Variants in VSTM2B observed in about 807,000 individuals in gnomAD.
VSTM2B encodes the protein V-set and transmembrane domain-containing protein 2B.
A neutral mutation model predicts 24.0 loss-of-function variants in VSTM2B; 24 were observed. That is an observed-to-expected ratio of 1.00 (90% confidence interval 0.72 to 1.40). The LOEUF (loss-of-function observed/expected upper bound fraction) is 1.40, where lower values mean the gene tolerates loss of function less well. VSTM2B is among the 40% of genes most tolerant of loss of function. VSTM2B has a pLI of 0.00. For synonymous variants in VSTM2B, 226 were observed against 194.4 expected, an observed-to-expected ratio of 1.16 and a Z score of -1.35; for missense variants, 399 against 416.4, an observed-to-expected ratio of 0.96 and a Z score of 0.36.
chr19:29,559,012 T>A (rs1970473377), intron 4 of VSTM2B, among the ~76,000 whole-genome samples: 1 of 152,200 alleles, frequency 6.6e-6, no homozygotes, highest in Non-Finnish European at 1.5e-5. Context: ...ACACTGTTGG[T>A]GGGAGTGTAA....
At chr19:29,555,045 T>C (rs182507384) in intron 4 of VSTM2B, among the ~76,000 whole-genome samples, 1 of 152,262 alleles carries the variant, frequency 6.6e-6, no homozygotes, top group Non-Finnish European at 1.5e-5. Flanking sequence ...TGAACTCAGC[T>C]CTGGATTAAG....
intron 4 of VSTM2B, among the ~76,000 whole-genome samples, chr19:29,547,086 C>T (rs1227055024): frequency 2.0e-5 from 3 of 152,180 alleles, no homozygotes; most frequent in Non-Finnish European, 4.4e-5. Flanking sequence ...TCAGTGTGGC[C>T]TTGGTTGGGC....
chr19:29,551,120 G>A (rs1970274861), intron 4 of VSTM2B, among the ~76,000 whole-genome samples: 1 of 152,200 alleles, frequency 6.6e-6, no homozygotes, highest in Non-Finnish European at 1.5e-5. Context: ...GCCCCCTACT[G>A]TGATCCCAAT....
At chr19:29,543,008 C>T (rs945873689) in intron 4 of VSTM2B, among the ~76,000 whole-genome samples, 3 of 152,104 alleles carry the variant, frequency 2.0e-5, no homozygotes, top group East Asian at 1.9e-4. Flanking sequence ...AGCCTGCTTC[C>T]GACTCCCCTA....
intron 4 of VSTM2B, among the ~76,000 whole-genome samples, chr19:29,535,989 GCT>G (rs1969879749): frequency 6.6e-6 from 1 of 152,242 alleles, no homozygotes; most frequent in Non-Finnish European, 1.5e-5. Context: ...AGAGGGCGAG[GCT>G]CTCTGAGCAT....
intron 4 of VSTM2B, among the ~76,000 whole-genome samples, chr19:29,554,433 A>C (rs913297223): frequency 2.0e-5 from 3 of 152,226 alleles, no homozygotes; most frequent in Admixed American, 1.3e-4. Context: ...TAAATATGGA[A>C]AGGAAAAACT....
At chr19:29,560,003 C>T (rs1599910944) in intron 4 of VSTM2B, among the ~76,000 whole-genome samples, 1 of 152,180 alleles carries the variant, frequency 6.6e-6, no homozygotes, top group African/African-American at 2.4e-5. Context: ...TCAATTGAGG[C>T]CATGTTGGTC....
rs1267090508 is a variant in VSTM2B, at chr19:29,526,137, G to C, written c.-447G>C. Among the ~76,000 whole-genome samples, 5 of 152,100 alleles carry C rather than the reference G, an allele frequency of 3.3e-5. No individual in the cohort carries two copies. The highest frequency in any genetic ancestry group is 1.2e-4 in the African/African-American group (5 of 41,422). On this transcript the variant is annotated 5_prime_UTR_variant, in exon 1 of 5. Transcript: ENST00000335523. This position sits in a 1 kb window ranked among gnomAD's most constrained non-coding sequence, Gnocchi z 4.1. ...GAGGAACCGGCGGGGGCGGCTGCGG[G>C]AGCCGAAGGAGGTGGCAATCGGGAG...
At position 29,526,852 on chromosome 19, in the gene VSTM2B, C is replaced by G. The variant is rs77232410; in HGVS notation, c.82+187C>G. 109,131 of 536,104 alleles carry G rather than the reference C, an allele frequency of 0.2. 12,815 individuals are homozygous for G. Among genetic ancestry groups the G allele is most frequent in the East Asian group, 0.39 (11,300 of 28,996 alleles). The allele number at this position is 536,104 out of a possible 1,614,324, so 33.2% of individuals were successfully genotyped here. ...GGGTCGCCGCAGCAGCAGCGCCGCG[C>G]CCGAGTCGTTCCCAGTCCCGCCGGG... On this transcript the variant is annotated intron_variant, in intron 1 of 4. Coordinates refer to ENST00000335523, the MANE Select transcript of VSTM2B (RefSeq NM_001146339.2). The surrounding 1 kb of genome is among the most constrained non-coding windows in gnomAD (Gnocchi z 4.1).
At chr19:29,558,301 G>A (rs1317074198) in intron 4 of VSTM2B, among the ~76,000 whole-genome samples, 5 of 152,180 alleles carry the variant, frequency 3.3e-5, no homozygotes, top group Non-Finnish European at 7.3e-5. Context: ...AAACAGTGTG[G>A]TGATTCCTCA....
In VSTM2B at chr19:29,563,954, C is replaced by A; in HGVS notation, c.*20C>A. On this transcript the variant is annotated 3_prime_UTR_variant, in exon 5 of 5. Transcript: ENST00000335523. ...CATTGACAGACAAGACCAACCCGAGCATCTCAGAGGCCGCACATGACCTGC... is the reference window on the plus strand; with the variant it reads ...CATTGACAGACAAGACCAACCCGAGAATCTCAGAGGCCGCACATGACCTGC... 6.4e-7 allele frequency: 1 copy of A among 1,550,644 alleles called. No homozygotes were observed. The highest frequency in any genetic ancestry group is 8.7e-7 in the Non-Finnish European group (1 of 1,145,652).
At position 29,563,947 on chromosome 19, in the gene VSTM2B, A is replaced by T; in HGVS notation, c.*13A>T. On this transcript the variant is annotated 3_prime_UTR_variant, in exon 5 of 5. Coordinates refer to ENST00000335523, the MANE Select transcript of VSTM2B (RefSeq NM_001146339.2). ...CTTGGGACATTGACAGACAAGACCA[A>T]CCCGAGCATCTCAGAGGCCGCACAT... is the stretch of plus-strand genomic sequence containing the variant. 1 of 1,551,928 alleles carries T rather than the reference A, an allele frequency of 6.4e-7. No individual in the cohort carries two copies. Among genetic ancestry groups the T allele is most frequent in the East Asian group, 2.4e-5 (1 of 40,916 alleles).
intron 4 of VSTM2B, among the ~76,000 whole-genome samples, chr19:29,532,520 G>C (rs1969783304): frequency 6.6e-6 from 1 of 152,176 alleles, no homozygotes; most frequent in Admixed American, 6.5e-5. Flanking sequence ...GGAAATGTGT[G>C]CATTACAGGC....
At chr19:29,560,574 G>A (rs2145518911) in intron 4 of VSTM2B, among the ~76,000 whole-genome samples, 1 of 152,212 alleles carries the variant, frequency 6.6e-6, no homozygotes, top group Admixed American at 6.5e-5. Flanking sequence ...TCCAGCAACA[G>A]AGACATAGCA....
intron 4 of VSTM2B, among the ~76,000 whole-genome samples, chr19:29,562,896 G>T (rs1970567190): frequency 6.6e-6 from 1 of 152,154 alleles, no homozygotes; most frequent in Admixed American, 6.5e-5. Context: ...TGATCACACT[G>T]GAGAGACAGG....
chr19:29,541,135 A>G (rs1392460727), intron 4 of VSTM2B, among the ~76,000 whole-genome samples: 1 of 152,226 alleles, frequency 6.6e-6, no homozygotes, highest in African/African-American at 2.4e-5. Context: ...CTGGTCAAAC[A>G]GGGTCAAACT....
At chr19:29,545,561 C>T (rs1439943985) in intron 4 of VSTM2B, among the ~76,000 whole-genome samples, 1 of 152,082 alleles carries the variant, frequency 6.6e-6, no homozygotes, top group Non-Finnish European at 1.5e-5. Flanking sequence ...TGCAGTGAGC[C>T]AAAATCATGC....
chr19:29,526,783 T>A lies in VSTM2B; in HGVS notation c.82+118T>A. ...GCTTCGCGGTCTCCAGCAATCCCGCTGTGCAGCCTGGGCCCGGAGGGGTAG... is the reference window on the plus strand; with the variant it reads ...GCTTCGCGGTCTCCAGCAATCCCGCAGTGCAGCCTGGGCCCGGAGGGGTAG... On this transcript the variant is annotated intron_variant, in intron 1 of 4. Transcript: ENST00000335523. The surrounding 1 kb of genome is among the most constrained non-coding windows in gnomAD (Gnocchi z 4.1). 1.0e-6 allele frequency: 1 copy of A among 964,970 alleles called. No individual in the cohort carries two copies. Among genetic ancestry groups the A allele is most frequent in the South Asian group, 1.6e-5 (1 of 61,076 alleles). The allele number at this position is 964,970 out of a possible 1,614,324, so 59.8% of individuals were successfully genotyped here.
chr19:29,535,417 T>C (rs897148959), intron 4 of VSTM2B, among the ~76,000 whole-genome samples: 1 of 152,134 alleles, frequency 6.6e-6, no homozygotes, highest in Non-Finnish European at 1.5e-5. Flanking sequence ...CGTGTGAACC[T>C]CTAATTAGCC....
Sources: gnomAD v4.1 joint callset for allele counts (sites outside exome capture counted in the v4.1 genomes callset) on GRCh38, gnomAD v4.1.1 for gene constraint, Gnocchi (gnomAD v3.1) non-coding constraint, MANE v1.5 for transcripts, NCBI Gene and HGNC (gene_info 2026-07-23, HGNC 2026-07-21) for gene names.